Variants in PLCH1 observed in about 807,000 individuals in gnomAD.
PLCH1 encodes the protein 1-phosphatidylinositol 4,5-bisphosphate phosphodiesterase eta-1.
PLCH1 carries 60 observed loss-of-function variants against 126.7 expected under a neutral mutation model. That is an observed-to-expected ratio of 0.47 (90% CI 0.38 to 0.59). PLCH1 has a LOEUF of 0.59. PLCH1 is among the 20% of genes least tolerant of loss of function. The pLI is 0.00. For synonymous variants in PLCH1, 719 were observed against 734.9 expected (o/e 0.98, Z 0.35); for missense variants, 1,723 against 2,040.0 (o/e 0.84, Z 2.99).
At chr3:155,486,243 T>G in intron 21 of PLCH1, 1 of 1,312,764 alleles carries the variant, frequency 7.6e-7, no homozygotes, top group Non-Finnish European at 1.1e-6. Context: ...CAAAACACAA[T>G]TGGGGCTCAT....
At chr3:155,737,613 A>G (rs1469546537) in intron 1 of PLCH1, among the ~76,000 whole-genome samples, 2 of 152,216 alleles carry the variant, frequency 1.3e-5, no homozygotes, top group Admixed American at 1.3e-4. Flanking sequence ...TTACTGTTCT[A>G]TGAAGCAATC....
intron 10 of PLCH1, among the ~76,000 whole-genome samples, chr3:155,538,689 G>T (rs975668502): frequency 5.9e-5 from 9 of 152,032 alleles, no homozygotes; most frequent in Middle Eastern, 6.8e-3. Context: ...ATCCTCGGAG[G>T]TTAAACCAGG....
intron 10 of PLCH1, among the ~76,000 whole-genome samples, chr3:155,531,422 C>T (rs1020085798): frequency 1.3e-5 from 2 of 152,124 alleles, no homozygotes; most frequent in African/African-American, 4.8e-5. Context: ...GCCAGGAGTT[C>T]GAGACCAGCC....
chr3:155,488,149 G>C, intron 20 of PLCH1, 42 bp from the exon 21 acceptor site: 1 of 1,142,904 alleles, frequency 8.7e-7, no homozygotes, highest in Non-Finnish European at 1.3e-6. Context: ...AGTTGAACTT[G>C]CATTTGGCTT....
intron 2 of PLCH1, among the ~76,000 whole-genome samples, chr3:155,664,627 C>A (rs1467094236): frequency 6.6e-6 from 1 of 152,196 alleles, no homozygotes; most frequent in East Asian, 1.9e-4. Flanking sequence ...ATTTGGCCCA[C>A]AGGGCGTAGT....
intron 21 of PLCH1, among the ~76,000 whole-genome samples, chr3:155,455,839 A>G (rs537021457): frequency 4.6e-5 from 7 of 152,342 alleles, no homozygotes; most frequent in African/African-American, 1.7e-4. Context: ...AGAGTTACAC[A>G]CAGAGAAATA....
At chr3:155,617,112 T>C (rs911420308) in intron 2 of PLCH1, among the ~76,000 whole-genome samples, 10 of 152,178 alleles carry the variant, frequency 6.6e-5, no homozygotes, top group Admixed American at 6.5e-4. Context: ...ATATTATCAG[T>C]AATAATTATT....
intron 11 of PLCH1, among the ~76,000 whole-genome samples, chr3:155,519,934 G>A (rs1009487307): frequency 4.6e-5 from 7 of 152,036 alleles, no homozygotes; most frequent in African/African-American, 1.7e-4. Flanking sequence ...TGTAAGACCT[G>A]AAGGTCTTGG....
chr3:155,533,628 G>A (rs1181377138), intron 10 of PLCH1, among the ~76,000 whole-genome samples: 1 of 152,204 alleles, frequency 6.6e-6, no homozygotes, highest in African/African-American at 2.4e-5. Flanking sequence ...AAGTAAAATG[G>A]AGCTGAATGT....
intron 1 of PLCH1, among the ~76,000 whole-genome samples, chr3:155,720,688 G>A (rs1203906525): frequency 6.6e-6 from 1 of 152,152 alleles, no homozygotes; most frequent in East Asian, 1.9e-4. Context: ...TTACCCTGCT[G>A]ATTATTTCTT....
intron 10 of PLCH1, among the ~76,000 whole-genome samples, chr3:155,547,952 A>C (rs1444037753): frequency 6.6e-6 from 1 of 151,264 alleles, no homozygotes; most frequent in East Asian, 2.0e-4. Flanking sequence ...TGACGAGTTA[A>C]TGGGTGCAGC....
At chr3:155,663,490 C>G (rs896018474) in intron 2 of PLCH1, among the ~76,000 whole-genome samples, 1 of 152,168 alleles carries the variant, frequency 6.6e-6, no homozygotes, top group Non-Finnish European at 1.5e-5. Flanking sequence ...TCAAAGTATT[C>G]AAGCTCCACA....
rs1056872055 is a variant in PLCH1, at chr3:155,594,289, G to C, written c.227-105C>G. The C allele has an allele frequency of 3.6e-6, 4 of 1,099,382 alleles. No individual in the cohort carries two copies. The African/African-American group carries it at 6.3e-5, about 17-fold the overall frequency. 68.1% of individuals were successfully genotyped at this position (1,099,382 alleles called of 1,614,324 possible). On this transcript the variant is annotated intron_variant, in intron 3 of 22. Transcript: ENST00000460012. ...AAATCATTTTAAATATTAAAAATAA[G>C]TATGAGGCTGGGTGCTCACGCTTGT...
intron 7 of PLCH1, among the ~76,000 whole-genome samples, chr3:155,566,332 T>TACAC (rs1728512336): frequency 1.6e-5 from 1 of 63,518 alleles, no homozygotes; most frequent in Non-Finnish European, 2.6e-5. Context: ...TATATATACG[T>TACAC]ATATATACAC....
chr3:155,472,623 C>CA (rs1225835741), intron 21 of PLCH1, among the ~76,000 whole-genome samples: 1 of 151,398 alleles, frequency 6.6e-6, no homozygotes, highest in African/African-American at 2.4e-5. Flanking sequence ...GAGACAAAAC[C>CA]AAAAAAGAGA....
intron 10 of PLCH1, 56 bp downstream of exon 10, chr3:155,549,727 AAGGG>A (rs1725851584): frequency 8.5e-7 from 1 of 1,182,428 alleles, no homozygotes; most frequent in African/African-American, 1.5e-5. Flanking sequence ...TTTATTCTTT[AAGGG>A]AGGGCAGGCT....
intron 1 of PLCH1, chr3:155,743,401 G>T (rs899708885): frequency 1.3e-5 from 5 of 383,392 alleles, no homozygotes; most frequent in Non-Finnish European, 2.5e-5. Flanking sequence ...GCGTGGTGGC[G>T]GGAGCCTGTA....
rs1407911249 is a variant in PLCH1, at chr3:155,473,481, G to A, written c.2938+11875C>T. On this transcript the variant is annotated intron_variant, in intron 21 of 21. Transcript: ENST00000494598. ...CTCATGGGTAGGAAGAATCAATATC[G>A]TGAAAATGGCCATACTGCCCAAGGT... Among the ~76,000 whole-genome samples, 9 of 151,048 alleles carry A rather than the reference G, an allele frequency of 6.0e-5. No homozygotes were observed. The South Asian group carries it at 6.3e-4, about 11-fold the overall frequency.
chr3:155,491,507 C>T (rs971447722), intron 18 of PLCH1, among the ~76,000 whole-genome samples: 1 of 152,138 alleles, frequency 6.6e-6, no homozygotes, highest in Non-Finnish European at 1.5e-5. Flanking sequence ...AGGCAATCTG[C>T]CCACCTCAGC....
Sources: allele counts gnomAD v4.1 joint callset (sites outside exome capture counted in the v4.1 genomes callset), GRCh38; gene constraint gnomAD v4.1.1; transcripts MANE v1.5; gene names NCBI Gene and HGNC (gene_info 2026-07-23, HGNC 2026-07-21).